RUNX1: variants seen among roughly 807,000 people sequenced by gnomAD.
RUNX1 encodes runt-related transcription factor 1.
RUNX1 carries 19 observed loss-of-function variants against 42.8 expected under a neutral mutation model. The ratio of observed to expected loss-of-function variants is 0.44; its 90% CI spans 0.31 to 0.65. The LOEUF (loss-of-function observed/expected upper bound fraction) is 0.65. RUNX1 is among the 30% of genes least tolerant of loss of function. RUNX1 has a pLI of 0.07. For missense variants in RUNX1, 528 were observed against 672.0 expected, an observed-to-expected ratio of 0.79 and a Z score of 2.37; for synonymous variants, 271 against 289.4, an observed-to-expected ratio of 0.94 and a Z score of 0.64.
chr21:34,994,333 C>T (rs1344046149), intron 2 of RUNX1, among the ~76,000 whole-genome samples: 1 of 151,852 alleles, frequency 6.6e-6, no homozygotes, highest in Non-Finnish European at 1.5e-5. Context: ...ATGTGTAAGA[C>T]CTGGTATTTG....
At chr21:34,795,348 CTCTCTCG>C (rs2056511368) in intron 8 of RUNX1, among the ~76,000 whole-genome samples, 1 of 152,012 alleles carries the variant, frequency 6.6e-6, no homozygotes, top group South Asian at 2.1e-4. Context: ...CTCTCGCTCG[CTCTCTCG>C]TCTCTTCCAC....
rs200623414 is a variant in RUNX1 at position 34,826,437 on chromosome 21, T to TC, written c.805+7972_805+7973insG. Among the ~76,000 whole-genome samples, 540 of 135,344 alleles carry TC rather than the reference T, an allele frequency of 4.0e-3. 2 individuals carry two copies. Among genetic ancestry groups the TC allele is most frequent in the African/African-American group, 0.013 (463 of 35,584 alleles). 88.8% of individuals were successfully genotyped at this position (135,344 alleles called of 152,430 possible). A position where few individuals can be genotyped will look rare whatever the true frequency, so the allele number is the denominator to read the frequency against. On this transcript the variant is annotated intron_variant, in intron 7 of 8. Coordinates refer to ENST00000675419, the MANE Select transcript of RUNX1 (RefSeq NM_001754.5). The stretch of plus-strand genomic sequence containing the variant: ...ATTTCTTTTGTTTTCTTTCTTTCTT[T>TC]TTTTTTTTTTTTTTTTTTGAGACAG...
chr21:34,904,844 TTTTAGAG>T (rs1204799461), intron 2 of RUNX1, among the ~76,000 whole-genome samples: 1 of 152,192 alleles, frequency 6.6e-6, no homozygotes, highest in African/African-American at 2.4e-5. Flanking sequence ...GAACCTCACG[TTTTAGAG>T]AAGAATATTC....
intron 2 of RUNX1, among the ~76,000 whole-genome samples, chr21:34,993,562 C>A (rs960440122): frequency 6.8e-6 from 1 of 147,428 alleles, no homozygotes; most frequent in African/African-American, 2.5e-5. Flanking sequence ...CACACAGGCA[C>A]AGACACACAC....
Position 34,834,607 on chromosome 21 carries a change from G to A in RUNX1, c.614-6C>T, listed in dbSNP as rs529667191. On this transcript the variant is annotated splice_region_variant and splice_polypyrimidine_tract_variant and intron_variant, in intron 6 of 8. Coordinates refer to ENST00000675419, the MANE Select transcript of RUNX1 (RefSeq NM_001754.5). ...ATCTAGTTTCTGCCGATGTCCTATT[G>A]TGGGGAGCAGGGAGGGGAGGGGATG... 6.2e-6 allele frequency: 10 copies of A among 1,609,006 alleles called. No homozygotes were observed. In the South Asian group the frequency reaches 9.9e-5, roughly 16 times the overall value.
intron 2 of RUNX1, among the ~76,000 whole-genome samples, chr21:34,966,141 C>T (rs1011272186): frequency 3.9e-5 from 6 of 152,198 alleles, no homozygotes; most frequent in Non-Finnish European, 7.3e-5. Context: ...CCCTGTTTTA[C>T]AGATCAGAAA....
At chr21:35,036,326 T>A (rs1569159690) in intron 2 of RUNX1, among the ~76,000 whole-genome samples, 1 of 152,232 alleles carries the variant, frequency 6.6e-6, no homozygotes, top group Non-Finnish European at 1.5e-5. Flanking sequence ...GCACATCTTT[T>A]AATTTGTCCC....
chr21:34,995,590 G>A (rs962948617), intron 2 of RUNX1, among the ~76,000 whole-genome samples: 3 of 151,964 alleles, frequency 2.0e-5, no homozygotes, highest in South Asian at 2.1e-4. Flanking sequence ...ACAGGTGTGC[G>A]CTACCATGCT....
intron 2 of RUNX1, among the ~76,000 whole-genome samples, chr21:34,904,842 C>T (rs1409746206): frequency 3.9e-5 from 6 of 152,082 alleles, no homozygotes; most frequent in African/African-American, 1.4e-4. Context: ...AAGAACCTCA[C>T]GTTTTAGAGA....
chr21:34,941,283 G>A (rs934584210), intron 2 of RUNX1, among the ~76,000 whole-genome samples: 9 of 152,164 alleles, frequency 5.9e-5, no homozygotes, highest in South Asian at 4.1e-4. Flanking sequence ...GATGCTAACC[G>A]TATTCTAAAC....
At chr21:34,811,072 G>A (rs997768283) in intron 7 of RUNX1, among the ~76,000 whole-genome samples, 4 of 152,178 alleles carry the variant, frequency 2.6e-5, no homozygotes, top group South Asian at 2.1e-4. Flanking sequence ...GTGTTGCACC[G>A]TGCCAGCCAC....
chr21:34,858,487 C>A (rs1394879445), intron 6 of RUNX1, among the ~76,000 whole-genome samples: 2 of 152,198 alleles, frequency 1.3e-5, no homozygotes, highest in Non-Finnish European at 2.9e-5. Context: ...TGAGGTTCAG[C>A]AAGGCTCTGT....
In RUNX1 at chr21:35,049,298, G is replaced by T. The variant is rs1233104045; in HGVS notation, c.-190C>A. Reference sequence around the variant, plus strand: ...TCTGTGGTTGTTTATGAGGCCCAAAGAAGTTTTCACACAACCCAAATTACA... The same window carrying T: ...TCTGTGGTTGTTTATGAGGCCCAAATAAGTTTTCACACAACCCAAATTACA... On this transcript the variant is annotated 5_prime_UTR_variant, in exon 1 of 9. Coordinates refer to ENST00000675419, the MANE Select transcript of RUNX1 (RefSeq NM_001754.5). 4 of 212,934 alleles carry T rather than the reference G, an allele frequency of 1.9e-5. No individual in the cohort carries two copies. The highest frequency in any genetic ancestry group is 6.8e-5 in the South Asian group (1 of 14,612). The allele number at this position is 212,934 out of a possible 1,614,324, so 13.2% of individuals were successfully genotyped here. A position where few individuals can be genotyped will look rare whatever the true frequency, so the allele number is the denominator to read the frequency against.
At chr21:34,917,151 C>A (rs2058317739) in intron 2 of RUNX1, among the ~76,000 whole-genome samples, 1 of 152,162 alleles carries the variant, frequency 6.6e-6, no homozygotes, top group South Asian at 2.1e-4. Flanking sequence ...GCAGAGAAAC[C>A]TAAGTGACCA....
chr21:34,869,632 T>C (rs2252585), intron 5 of RUNX1, among the ~76,000 whole-genome samples: 59,851 of 152,036 alleles, frequency 0.39, 14,383 homozygotes, highest in African/African-American at 0.68. Context: ...GAGAAAAATA[T>C]GCATGGATGT....
intron 8 of RUNX1, among the ~76,000 whole-genome samples, chr21:34,794,714 G>C (rs1440373090): frequency 6.6e-6 from 1 of 152,122 alleles, no homozygotes; most frequent in Non-Finnish European, 1.5e-5. Context: ...TATTAGGCAG[G>C]GTTCCCTATA....
At chr21:34,851,638 C>A (rs1245295054) in intron 6 of RUNX1, among the ~76,000 whole-genome samples, 1 of 151,970 alleles carries the variant, frequency 6.6e-6, no homozygotes, top group Non-Finnish European at 1.5e-5. Flanking sequence ...ACAAGGACTG[C>A]AATATATTAG....
At chr21:34,908,127 T>C (rs979943354) in intron 2 of RUNX1, among the ~76,000 whole-genome samples, 1 of 152,218 alleles carries the variant, frequency 6.6e-6, no homozygotes, top group Non-Finnish European at 1.5e-5. Context: ...TAAATGGATT[T>C]CTTCCCTTTC....
chr21:34,800,359 T>C (rs1463702897), intron 7 of RUNX1, among the ~76,000 whole-genome samples: 2 of 152,220 alleles, frequency 1.3e-5, no homozygotes, highest in East Asian at 3.8e-4. Context: ...GAAACTTAAA[T>C]TGGACACTGT....
Sources: allele counts gnomAD v4.1 joint callset (sites outside exome capture counted in the v4.1 genomes callset), GRCh38; gene constraint gnomAD v4.1.1; transcripts MANE v1.5; gene names NCBI Gene and HGNC (gene_info 2026-07-23, HGNC 2026-07-21).